The following SETD6 variants were observed in gnomAD, a reference collection of about 807,000 sequenced individuals.
The protein encoded by SETD6 is SET domain containing 6, protein lysine methyltransferase, also known as N-lysine methyltransferase SETD6.
In SETD6, 67 loss-of-function variants were observed where a neutral mutation model predicts 52.7. That is an observed-to-expected ratio of 1.27 (90% CI 1.04 to 1.56). SETD6 has a LOEUF of 1.56. Ranked by LOEUF, SETD6 falls within the 40% of genes most tolerant of loss-of-function variation. SETD6 has a pLI of 0.00. For missense variants in SETD6, 712 were observed against 607.5 expected (o/e 1.17, Z -1.81); for synonymous variants, 307 against 250.2 (o/e 1.23, Z -2.14).
chr16:58,516,402 C>T (rs879009402), intron 3 of SETD6, 59 bp downstream of exon 3: 4 of 1,601,470 alleles, frequency 2.5e-6, no homozygotes, highest in Non-Finnish European at 3.4e-6. Context: ...CAAGAAGTTT[C>T]CCCGCCCCTG....
In SETD6 at chr16:58,523,252, C is replaced by CAAA; in HGVS notation, c.*4231_*4233dup. 9.7e-7 allele frequency: 1 copy of CAAA among 1,028,154 alleles called. No homozygotes were observed. The highest frequency in any genetic ancestry group is 1.3e-6 in the Non-Finnish European group (1 of 761,084). The allele number at this position is 1,028,154 out of a possible 1,614,324, so 63.7% of individuals were successfully genotyped here. On this transcript the variant is annotated 3_prime_UTR_variant, in exon 8 of 8. Coordinates refer to ENST00000219315, the MANE Select transcript of SETD6 (RefSeq NM_001160305.4). ...AGAGCAACACTCCGTCTCAAAAAAACAAAAAAAAAACCAACCAAACGGATT... is the reference window on the plus strand; with the variant it reads ...AGAGCAACACTCCGTCTCAAAAAAACAAAAAAAAAAAAACCAACCAAACGGATT...
Position 58,516,549 on chromosome 16 carries a change from A to G in SETD6, c.548A>G (p.Asn183Ser), listed in dbSNP as rs1358046415. 5.0e-6 allele frequency: 8 copies of G among 1,614,054 alleles called. No individual in the cohort carries two copies. The highest frequency in any genetic ancestry group is 1.1e-5 in the South Asian group (1 of 91,076). Reference protein sequence around the residue: ...VPEAVEKDLANIRSEYQSIVL... With the variant: ...VPEAVEKDLASIRSEYQSIVL... ...GAGGCCGTGGAGAAGGATTTGGCCA[A>G]CATCCGCAGCGAGTACCAGTCCATC... Residue 183 changes from asparagine to serine, a missense_variant, in exon 4 of 8, where the codon AAC (asparagine) becomes AGC (serine). Physicochemically the swap from Asn to Ser is conservative, Grantham distance 46. Coordinates refer to ENST00000219315, the MANE Select transcript of SETD6 (RefSeq NM_001160305.4).
Position 58,516,229 on chromosome 16 carries a change from G to A in SETD6, c.362G>A (p.Gly121Asp). ...CGAGTTGCGCTGCAGAGCCAGTCGG[G>A]CTGGGTGCCACTGCTGCTGGCGCTG... Reference protein sequence around the residue: ...RERVALQSQSGWVPLLLALLH... With the variant: ...RERVALQSQSDWVPLLLALLH... Residue 121 changes from glycine to aspartate, a missense_variant, in exon 3 of 8, where the codon GGC becomes GAC. Gly to Asp is a moderately conservative substitution (Grantham distance 94). Transcript: ENST00000219315. 1 of 1,596,532 alleles carries A rather than the reference G, an allele frequency of 6.3e-7. No homozygotes were observed. Among genetic ancestry groups the A allele is most frequent in the Non-Finnish European group, 8.5e-7 (1 of 1,179,150 alleles).
chr16:58,516,716 A>C (rs1242344588), intron 4 of SETD6, 44 bp downstream of exon 4: 2 of 1,609,388 alleles, frequency 1.2e-6, no homozygotes, highest in African/African-American at 1.3e-5. Context: ...TTTCTTTACA[A>C]CTCTATAGAG....
At chr16:58,518,614 A>C in intron 7 of SETD6, 71 bp downstream of exon 7, 2 of 1,577,250 alleles carry the variant, frequency 1.3e-6, no homozygotes, top group Non-Finnish European at 1.7e-6. Context: ...AGAAGATGAG[A>C]GAGGAAATGT....
rs1567382164 is a variant in SETD6 at position 58,522,245 on chromosome 16, A to AAAC, written c.*3218_*3219insCAA. Reference sequence around the variant, plus strand: ...ACAAAGCGAGACTGTCTCAAAAAAAAAAAAAAAAAAAAAAAAAAAAAAGCT... The same window carrying AAAC: ...ACAAAGCGAGACTGTCTCAAAAAAAAAACAAAAAAAAAAAAAAAAAAAAAAGCT... On this transcript the variant is annotated 3_prime_UTR_variant, in exon 8 of 8. Transcript: ENST00000219315. 1.5e-4 allele frequency among the ~76,000 whole-genome samples: 4 copies of AAAC among 26,232 alleles called. No individual in the cohort carries two copies. Among genetic ancestry groups the AAAC allele is most frequent in the African/African-American group, 9.0e-4 (4 of 4,430 alleles). The allele number at this position is 26,232 out of a possible 152,430, so 17.2% of individuals were successfully genotyped here. A position where few individuals can be genotyped will look rare whatever the true frequency, so the allele number is the denominator to read the frequency against.
chr16:58,515,865 G>T lies in SETD6; in HGVS notation c.102G>T (p.Leu34=). Residue 34 remains leucine (L), a synonymous_variant, in exon 2 of 8, where the codon CTG becomes CTT. Coordinates refer to ENST00000219315, the MANE Select transcript of SETD6 (RefSeq NM_001160305.4). ...TGAGCTGGTGCCGGCGGGTGGGGCT[G>T]GAGCTGAGTCCCAAGGTGAGCGAGC... ...CFLSWCRRVG[L]ELSPKVSERA... 6.6e-7 allele frequency: 1 copy of T among 1,525,682 alleles called. No individual in the cohort carries two copies. The highest frequency in any genetic ancestry group is 1.2e-5 in the South Asian group (1 of 81,852). The allele number at this position is 1,525,682 out of a possible 1,614,324, so 94.5% of individuals were successfully genotyped here. A position where few individuals can be genotyped will look rare whatever the true frequency, so the allele number is the denominator to read the frequency against.
At position 58,516,909 on chromosome 16, in the gene SETD6, C is replaced by T. The variant is rs766378092; in HGVS notation, c.773C>T (p.Ala258Val). The T allele has an allele frequency of 6.2e-7, 1 of 1,614,178 alleles. No individual in the cohort carries two copies. The highest frequency in any genetic ancestry group is 8.5e-7 in the Non-Finnish European group (1 of 1,180,032). ...DILNHLANHNANLEYSANCLR... is the reference protein window; with the variant it reads ...DILNHLANHNVNLEYSANCLR... ...CTAAACCACTTAGCCAATCACAACGCCAATCTAGAATACTCTGCGGTGAGT... is the reference window on the plus strand; with the variant it reads ...CTAAACCACTTAGCCAATCACAACGTCAATCTAGAATACTCTGCGGTGAGT... The change falls in exon 5 of 8, where the codon GCC becomes GTC. Residue 258 changes from alanine to valine, a missense_variant. By Grantham distance (64) the Ala-to-Val change is moderately conservative (BLOSUM62 0). Transcript: ENST00000219315.
At position 58,517,989 on chromosome 16, in the gene SETD6, A is replaced by C. The variant is rs774767537; in HGVS notation, c.793-62A>C. On this transcript the variant is annotated intron_variant, in intron 5 of 7. Transcript: ENST00000219315. ...CCTGCTGAAGGCTCTTCTTAAGTGG[A>C]AATAATCTTCATGGGGCTGGCCCGT... The C allele has an allele frequency of 6.2e-6, 10 of 1,607,054 alleles. No individual in the cohort carries two copies. In the South Asian group the frequency reaches 1.1e-4, roughly 18 times the overall value.
Position 58,516,229 on chromosome 16 carries a change from G to T in SETD6, c.362G>T (p.Gly121Val). Residue 121 changes from glycine (G) to valine (V), a missense_variant, in exon 3 of 8, where the codon GGC (glycine) becomes GTC (valine). Physicochemically the swap from Gly to Val is moderately radical, Grantham distance 109. Coordinates refer to ENST00000219315, the MANE Select transcript of SETD6 (RefSeq NM_001160305.4). ...CGAGTTGCGCTGCAGAGCCAGTCGG[G>T]CTGGGTGCCACTGCTGCTGGCGCTG... ...RERVALQSQS[G>V]WVPLLLALLH... 1 of 1,596,532 alleles carries T rather than the reference G, an allele frequency of 6.3e-7. No individual in the cohort carries two copies. The highest frequency in any genetic ancestry group is 1.3e-5 in the African/African-American group (1 of 74,846).
At chr16:58,517,569 G>C (rs550374550) in intron 5 of SETD6, 2 of 187,062 alleles carry the variant, frequency 1.1e-5, no homozygotes, top group East Asian at 2.6e-4. Context: ...CGCCTCCTGG[G>C]TTCAAGCAAT....
intron 1 of SETD6, 69 bp downstream of exon 1, chr16:58,515,633 C>G (rs182167832): frequency 7.0e-7 from 1 of 1,428,256 alleles, no homozygotes; most frequent in African/African-American, 1.5e-5. Flanking sequence ...CAGAACCGTC[C>G]GCCTGCGCCC....
chr16:58,515,927 C>A lies in SETD6; in HGVS notation c.164C>A (p.Ala55Asp). 1 of 1,512,884 alleles carries A rather than the reference C, an allele frequency of 6.6e-7. No homozygotes were observed. Among genetic ancestry groups the A allele is most frequent in the Non-Finnish European group, 8.8e-7 (1 of 1,138,938 alleles). The allele number at this position is 1,512,884 out of a possible 1,614,324, so 93.7% of individuals were successfully genotyped here. A position where few individuals can be genotyped will look rare whatever the true frequency, so the allele number is the denominator to read the frequency against. The change falls in exon 2 of 8, where the codon GCT becomes GAT. Residue 55 changes from alanine to aspartate, a missense_variant. Coordinates refer to ENST00000219315, the MANE Select transcript of SETD6 (RefSeq NM_001160305.4). ...CGGAGGACCCGCGGCGGGGCGCGGGCTGCCCTGACCAGCCCTCCTGCTCAG... is the reference window on the plus strand; with the variant it reads ...CGGAGGACCCGCGGCGGGGCGCGGGATGCCCTGACCAGCCCTCCTGCTCAG... ...GGRRTRGGAR[A>D]ALTSPPAQVA... is the part of the protein sequence containing the mutation.
At position 58,516,014 on chromosome 16, in the gene SETD6, A is replaced by G; in HGVS notation, c.251A>G (p.Gln84Arg). The G allele has an allele frequency of 6.5e-7, 1 of 1,541,210 alleles. No homozygotes were observed. Among genetic ancestry groups the G allele is most frequent in the Admixed American group, 1.9e-5 (1 of 51,700 alleles). Reference sequence around the variant, plus strand: ...GGCATGGTGGCCCGGGAGAGCGTGCAGGCCGGAGAGCTGTTGTTCGTGGTG... The same window carrying G: ...GGCATGGTGGCCCGGGAGAGCGTGCGGGCCGGAGAGCTGTTGTTCGTGGTG... Reference protein sequence around the residue: ...GYGMVARESVQAGELLFVVPR... With the variant: ...GYGMVARESVRAGELLFVVPR... The change falls in exon 2 of 8, where the codon CAG becomes CGG. Residue 84 changes from glutamine (Q) to arginine (R), a missense_variant. Physicochemically the swap from Gln to Arg is conservative, Grantham distance 43. Transcript: ENST00000219315.
chr16:58,516,818 C>T lies in SETD6; in HGVS notation c.682C>T (p.Pro228Ser), dbSNP rs768001927. ...TTCTGTCAATGGCAGCTTTCAGGAA[C>T]CACTGGAGGAAGAAGAGGATGAAAA... is the stretch of plus-strand genomic sequence containing the variant. ...ALVMAYSFQEPLEEEEDEKEP... is the reference protein window; with the variant it reads ...ALVMAYSFQESLEEEEDEKEP... The change falls in exon 5 of 8, where the codon CCA becomes TCA. Residue 228 changes from proline (P) to serine (S), a missense_variant. Physicochemically the swap from Pro to Ser is moderately conservative, Grantham distance 74 (BLOSUM62 -1). Coordinates refer to ENST00000219315, the MANE Select transcript of SETD6 (RefSeq NM_001160305.4). 1.9e-6 allele frequency: 3 copies of T among 1,614,062 alleles called. No individual in the cohort carries two copies.
intron 6 of SETD6, 60 bp downstream of exon 6, chr16:58,518,291 G>A (rs1479580984): frequency 1.9e-6 from 3 of 1,606,464 alleles, no homozygotes; most frequent in Admixed American, 3.4e-5. Context: ...CATGCCTCAG[G>A]TTAAATAGCT....
chr16:58,516,978 G>C, intron 5 of SETD6, 50 bp downstream of exon 5: 1 of 1,613,924 alleles, frequency 6.2e-7, no homozygotes, highest in African/African-American at 1.3e-5. Context: ...TCAAGCCATT[G>C]TGTCTTAGGC....
In SETD6 at chr16:58,521,841, A is replaced by G. The variant is rs2039387794; in HGVS notation, c.*2812A>G. 6.6e-6 allele frequency among the ~76,000 whole-genome samples: 1 copy of G among 151,896 alleles called. No individual in the cohort carries two copies. The highest frequency in any genetic ancestry group is 2.4e-5 in the African/African-American group (1 of 41,336). ...GTGGCCACATGCCTGTAATCCCAGC[A>G]GTCGGACGCTGAGGCAGGAGAATCG... is the stretch of plus-strand genomic sequence containing the variant. On this transcript the variant is annotated 3_prime_UTR_variant, in exon 8 of 8. Coordinates refer to ENST00000219315, the MANE Select transcript of SETD6 (RefSeq NM_001160305.4).
At position 58,518,425 on chromosome 16, in the gene SETD6, A is replaced by G. The variant is rs141713767; in HGVS notation, c.998A>G (p.His333Arg). The change falls in exon 7 of 8, where the codon CAC becomes CGC. Residue 333 changes from histidine to arginine, a missense_variant. Transcript: ENST00000219315. ...GGAACAAAAACTGAAGCTGAAAGGC[A>G]CCTAGTGTACGAGCGCTGGGATTTC... is the stretch of plus-strand genomic sequence containing the variant. ...LQGTKTEAER[H>R]LVYERWDFLC... 1.3e-6 allele frequency: 2 copies of G among 1,584,144 alleles called. No homozygotes were observed. Among genetic ancestry groups the G allele is most frequent in the African/African-American group, 2.8e-5 (2 of 72,708 alleles).
Sources: gnomAD v4.1 joint callset for allele counts (sites outside exome capture counted in the v4.1 genomes callset) on GRCh38, gnomAD v4.1.1 for gene constraint, MANE v1.5 for transcripts, NCBI Gene and HGNC (gene_info 2026-07-23, HGNC 2026-07-21) for gene names.